The following FBXO34 variants were observed in gnomAD, a reference collection of about 807,000 sequenced individuals.
The protein encoded by FBXO34 is F-box protein 34.
Under a neutral mutation model 24.5 loss-of-function variants are expected in FBXO34, and 12 were observed. The observed-to-expected ratio is 0.49, with a 90% CI of 0.31 to 0.79. The LOEUF (loss-of-function observed/expected upper bound fraction) is 0.79. FBXO34 is among the 30% of genes least tolerant of loss of function. The pLI, the probability that FBXO34 is intolerant of heterozygous loss-of-function variation, is 0.04. For missense variants in FBXO34, 823 were observed against 857.7 expected (o/e 0.96, Z 0.51); for synonymous variants, 320 against 311.9 (o/e 1.03, Z -0.27).
rs1440036476 is a variant in FBXO34 at position 55,331,739 on chromosome 14, A to G, written c.-10-18642A>G. Among the ~76,000 whole-genome samples, 15 of 44,058 alleles carry G rather than the reference A, an allele frequency of 3.4e-4. 5 individuals are homozygous for G. The highest frequency in any genetic ancestry group is 5.8e-4 in the South Asian group (1 of 1,734). The allele number at this position is 44,058 out of a possible 152,430, so 28.9% of individuals were successfully genotyped here. A position where few individuals can be genotyped will look rare whatever the true frequency, so the allele number is the denominator to read the frequency against. ...TATGTATATATATATGTATATATAT[A>G]TGTGTGTATATATATATATATGTAT... On this transcript the variant is annotated intron_variant, in intron 1 of 1. Coordinates refer to ENST00000313833, the MANE Select transcript of FBXO34 (RefSeq NM_017943.4).
chr14:55,358,827 A>C (rs1179269680), intron 3 of FBXO34, among the ~76,000 whole-genome samples: 1 of 152,096 alleles, frequency 6.6e-6, no homozygotes, highest in African/African-American at 2.4e-5. Flanking sequence ...CTATTAAATC[A>C]ACCACTGGGG....
downstream of FBXO34, chr14:55,368,879 G>C (rs1884745518): frequency 6.6e-6 from 1 of 152,330 alleles, no homozygotes; most frequent in Admixed American, 6.5e-5. Flanking sequence ...GTAAGAATAA[G>C]CTTAATTCCC....
At chr14:55,407,248 C>T in the FBXO34 span, among the ~76,000 whole-genome samples, 1 of 152,220 alleles carries the variant, frequency 6.6e-6, no homozygotes, top group East Asian at 1.9e-4. Flanking sequence ...CCTGCCTCAG[C>T]CTCCTGAGTA....
intron 1 of FBXO34, among the ~76,000 whole-genome samples, chr14:55,304,098 TTAG>T (rs891280378): frequency 1.3e-5 from 2 of 152,224 alleles, no homozygotes; most frequent in Admixed American, 6.5e-5. Context: ...ATGAAATTGT[TTAG>T]TATGAGTTAG....
chr14:55,330,339 C>T lies in FBXO34; in HGVS notation c.-10-20042C>T, dbSNP rs1225402932. 2.0e-5 allele frequency among the ~76,000 whole-genome samples: 3 copies of T among 152,180 alleles called. No individual in the cohort carries two copies. In the East Asian group the frequency reaches 5.8e-4, roughly 29 times the overall value. ...TTTCAAAAAGATCTTTCTTTTTGTG[C>T]CGTTTTGTTTCTCTCTGTTACCCTG... On this transcript the variant is annotated intron_variant, in intron 1 of 1. Transcript: ENST00000313833.
intron 1 of FBXO34, among the ~76,000 whole-genome samples, chr14:55,306,032 C>T (rs1460159397): frequency 6.6e-6 from 1 of 152,226 alleles, no homozygotes; most frequent in Non-Finnish European, 1.5e-5. Context: ...TACATTCTAT[C>T]TTAAAGGCCT....
chr14:55,416,466 GA>G, the FBXO34 span, among the ~76,000 whole-genome samples: 1 of 152,114 alleles, frequency 6.6e-6, no homozygotes, highest in Non-Finnish European at 1.5e-5. Flanking sequence ...AAAAAATAAA[GA>G]GAAGAAAAGT....
chr14:55,272,834 TC>T (rs1198834894), intron 1 of FBXO34, among the ~76,000 whole-genome samples: 1 of 152,158 alleles, frequency 6.6e-6, no homozygotes, highest in Non-Finnish European at 1.5e-5. Context: ...AAAAACATAT[TC>T]CAGGACCGCT....
chr14:55,272,924 G>C (rs940139144), intron 1 of FBXO34, among the ~76,000 whole-genome samples: 3 of 152,182 alleles, frequency 2.0e-5, no homozygotes, highest in Non-Finnish European at 4.4e-5. Flanking sequence ...ATTTGTCTGT[G>C]AATACTGTTT....
chr14:55,424,912 A>C, the FBXO34 span, among the ~76,000 whole-genome samples: 1 of 152,202 alleles, frequency 6.6e-6, no homozygotes, highest in Non-Finnish European at 1.5e-5. Context: ...GATTCTTAGA[A>C]AGGCTTGAGG....
chr14:55,413,192 A>G, the FBXO34 span, among the ~76,000 whole-genome samples: 4 of 152,240 alleles, frequency 2.6e-5, no homozygotes, highest in Admixed American at 1.3e-4. Flanking sequence ...CATTTCAAAC[A>G]AAAGGATTAT....
the FBXO34 span, chr14:55,428,770 T>A: frequency 6.3e-7 from 1 of 1,579,260 alleles, no homozygotes; most frequent in Non-Finnish European, 8.6e-7. Flanking sequence ...TTAAATATCT[T>A]GGTAAATTCA....
At chr14:55,275,435 C>G (rs10083425) in intron 1 of FBXO34, among the ~76,000 whole-genome samples, 18 of 152,022 alleles carry the variant, frequency 1.2e-4, no homozygotes, top group African/African-American at 4.3e-4. Flanking sequence ...GATGATATAT[C>G]CTTGCTGCAA....
chr14:55,333,160 T>C (rs1264505481), intron 1 of FBXO34, among the ~76,000 whole-genome samples: 1 of 152,214 alleles, frequency 6.6e-6, no homozygotes, highest in Non-Finnish European at 1.5e-5. Context: ...CCCAGCAGTC[T>C]GTGGTTACTG....
At chr14:55,299,449 G>A (rs1037141920) in intron 1 of FBXO34, among the ~76,000 whole-genome samples, 1 of 151,500 alleles carries the variant, frequency 6.6e-6, no homozygotes, top group Non-Finnish European at 1.5e-5. Context: ...AGTGCCTGCT[G>A]TTTATAATGT....
At chr14:55,298,853 C>G in intron 1 of FBXO34, 1 of 1,611,812 alleles carries the variant, frequency 6.2e-7, no homozygotes, top group Admixed American at 1.7e-5. Flanking sequence ...TGGCGCAGAT[C>G]GACGGTACAT....
chr14:55,338,452 C>CT, intron 1 of FBXO34, among the ~76,000 whole-genome samples: 1 of 152,100 alleles, frequency 6.6e-6, no homozygotes, highest in South Asian at 2.1e-4. Context: ...AGAGTATGTA[C>CT]TTCTTGGGGT....
chr14:55,305,793 T>G (rs1462053772), intron 1 of FBXO34, among the ~76,000 whole-genome samples: 1 of 152,222 alleles, frequency 6.6e-6, no homozygotes, highest in African/African-American at 2.4e-5. Context: ...TTTCCCGATC[T>G]GAATTTTATC....
In FBXO34 at chr14:55,331,739, ATG is replaced by A. The variant is rs201760112; in HGVS notation, c.-10-18636_-10-18635del. ...TATGTATATATATATGTATATATAT[ATG>A]TGTGTATATATATATATATGTATAT... is the stretch of plus-strand genomic sequence containing the variant. On this transcript the variant is annotated intron_variant, in intron 1 of 1. Coordinates refer to ENST00000313833, the MANE Select transcript of FBXO34 (RefSeq NM_017943.4). Among the ~76,000 whole-genome samples the A allele has an allele frequency of 8.4e-4, 37 of 44,052 alleles. 8 individuals are homozygous for A. Among genetic ancestry groups the A allele is most frequent in the African/African-American group, 7.6e-3 (32 of 4,234 alleles). The allele number at this position is 44,052 out of a possible 152,430, so 28.9% of individuals were successfully genotyped here.
Sources: allele counts gnomAD v4.1 joint callset (sites outside exome capture counted in the v4.1 genomes callset), GRCh38; gene constraint gnomAD v4.1.1; transcripts MANE v1.5; gene names NCBI Gene and HGNC (gene_info 2026-07-23, HGNC 2026-07-21).